Variants in FHIP1A observed in about 807,000 individuals in gnomAD.
FHIP1A encodes FHF complex subunit HOOK-interacting protein 1A.
In FHIP1A, 61 loss-of-function variants were observed where a neutral mutation model predicts 88.6. The ratio of observed to expected loss-of-function variants is 0.69; its 90% CI spans 0.56 to 0.85. The LOEUF is 0.85. Among genes scored for constraint, FHIP1A ranks in the 40% least tolerant of loss-of-function variants. The probability of loss-of-function intolerance (pLI) is 0.00; values close to 1 mark genes in which losing one functional copy is unlikely to be tolerated. For synonymous variants in FHIP1A, 478 were observed against 496.0 expected (o/e 0.96, Z 0.48); for missense variants, 1,154 against 1,273.5 (o/e 0.91, Z 1.43).
chr4:151,442,979 GT>G (rs1728464058), intron 1 of FHIP1A, among the ~76,000 whole-genome samples: 1 of 152,058 alleles, frequency 6.6e-6, no homozygotes, highest in Non-Finnish European at 1.5e-5. Context: ...AGTTGACTGG[GT>G]GTGGGGTGCA....
intron 5 of FHIP1A, among the ~76,000 whole-genome samples, chr4:151,582,628 T>C (rs1441247483): frequency 6.6e-6 from 1 of 152,186 alleles, no homozygotes; most frequent in East Asian, 1.9e-4. Flanking sequence ...GTTATCCTTG[T>C]GGTTTTACAT....
chr4:151,588,108 A>G (rs886222384), intron 6 of FHIP1A, among the ~76,000 whole-genome samples: 1 of 152,070 alleles, frequency 6.6e-6, no homozygotes, highest in Non-Finnish European at 1.5e-5. Context: ...ATTATTTCAT[A>G]CTGCATTTTG....
intron 3 of FHIP1A, among the ~76,000 whole-genome samples, chr4:151,509,650 A>G (rs1339174116): frequency 6.6e-6 from 1 of 152,158 alleles, no homozygotes; most frequent in Non-Finnish European, 1.5e-5. Flanking sequence ...ATGGTGACCA[A>G]TAGAAGGCTA....
intron 3 of FHIP1A, among the ~76,000 whole-genome samples, 170 bp downstream of exon 3, chr4:151,482,818 T>C (rs1729947973): frequency 6.6e-6 from 1 of 152,134 alleles, no homozygotes; most frequent in African/African-American, 2.4e-5. Context: ...ATGTGAAGCA[T>C]TTAAAAAATC....
chr4:151,583,176 A>G (rs756541308), intron 5 of FHIP1A, among the ~76,000 whole-genome samples: 26 of 152,228 alleles, frequency 1.7e-4, no homozygotes, highest in Non-Finnish European at 3.4e-4. Flanking sequence ...CTCTGAGCGC[A>G]GTCTAGGAAG....
At chr4:151,446,439 A>G (rs1728602316) in intron 1 of FHIP1A, among the ~76,000 whole-genome samples, 1 of 145,192 alleles carries the variant, frequency 6.9e-6, no homozygotes, top group African/African-American at 2.5e-5. Context: ...ATGTCATGGG[A>G]TTTCTTTCTT....
chr4:151,597,974 G>A (rs1734714443), intron 7 of FHIP1A, among the ~76,000 whole-genome samples: 1 of 152,140 alleles, frequency 6.6e-6, no homozygotes, highest in Non-Finnish European at 1.5e-5. Flanking sequence ...CCTCCATGGG[G>A]GTGGGATCTG....
intron 4 of FHIP1A, among the ~76,000 whole-genome samples, chr4:151,573,829 G>T (rs1733686298): frequency 1.3e-5 from 2 of 152,130 alleles, no homozygotes; most frequent in African/African-American, 4.8e-5. Flanking sequence ...GATATGAAAA[G>T]AGGGCACAAA....
chr4:151,543,211 G>A (rs1732362831), intron 3 of FHIP1A, among the ~76,000 whole-genome samples: 2 of 152,142 alleles, frequency 1.3e-5, no homozygotes. Context: ...GATGTGGCAG[G>A]GCTAAGATTT....
At chr4:151,529,293 T>A (rs1246317111) in intron 3 of FHIP1A, among the ~76,000 whole-genome samples, 1 of 152,070 alleles carries the variant, frequency 6.6e-6, no homozygotes, top group Non-Finnish European at 1.5e-5. Context: ...GAGGCTGGAA[T>A]CAAAAGGCTG....
At chr4:151,520,198 T>C (rs192692767) in intron 3 of FHIP1A, among the ~76,000 whole-genome samples, 412 of 152,332 alleles carry the variant, frequency 2.7e-3, no homozygotes, top group Non-Finnish European at 4.2e-3. Flanking sequence ...TTTTAGCTTT[T>C]ATGTTATCTA....
At chr4:151,513,298 G>T (rs191601345) in intron 3 of FHIP1A, among the ~76,000 whole-genome samples, 51 of 152,286 alleles carry the variant, frequency 3.3e-4, no homozygotes, top group African/African-American at 1.2e-3. Flanking sequence ...AGCTCCTGAA[G>T]GAAGCACTAA....
rs145748006 is a variant in FHIP1A at position 151,656,730 on chromosome 4, C to T, written c.2731-30C>T. The T allele has an allele frequency of 5.5e-5, 84 of 1,538,912 alleles. No homozygotes were observed. In the Middle Eastern group the frequency reaches 6.7e-4, roughly 12 times the overall value. On this transcript the variant is annotated intron_variant, in intron 12 of 13. Coordinates refer to ENST00000435205, the MANE Select transcript of FHIP1A (RefSeq NM_001109977.3). The surrounding 1 kb of genome is among the most constrained non-coding windows in gnomAD (Gnocchi z 4.2). Reference sequence around the variant, plus strand: ...CTGGGAGTGGAATTTCATGGTGAGGCATTAACATCAGTAATGCTGTTTTTG... The same window carrying T: ...CTGGGAGTGGAATTTCATGGTGAGGTATTAACATCAGTAATGCTGTTTTTG...
At chr4:151,531,323 T>C (rs1312719162) in intron 3 of FHIP1A, among the ~76,000 whole-genome samples, 1 of 151,980 alleles carries the variant, frequency 6.6e-6, no homozygotes, top group Non-Finnish European at 1.5e-5. Context: ...CACACTTTCA[T>C]TGGATCAGGT....
chr4:151,606,426 G>A (rs1445216426), intron 7 of FHIP1A, among the ~76,000 whole-genome samples: 1 of 152,224 alleles, frequency 6.6e-6, no homozygotes, highest in African/African-American at 2.4e-5. Flanking sequence ...AGCATGGAAT[G>A]TAAGATGCCA....
intron 8 of FHIP1A, among the ~76,000 whole-genome samples, chr4:151,632,975 A>G (rs970207461): frequency 2.0e-5 from 3 of 151,970 alleles, no homozygotes; most frequent in Non-Finnish European, 4.4e-5. Flanking sequence ...GATAAAGATC[A>G]GAGCAAAAAT....
At chr4:151,414,161 T>C (rs907625591) in intron 1 of FHIP1A, among the ~76,000 whole-genome samples, 10 of 151,924 alleles carry the variant, frequency 6.6e-5, no homozygotes, top group African/African-American at 2.4e-4. Context: ...AGTGATTCTC[T>C]TGCCTTAGCC....
chr4:151,522,199 C>T (rs1731471424), intron 3 of FHIP1A, among the ~76,000 whole-genome samples: 1 of 152,160 alleles, frequency 6.6e-6, no homozygotes, highest in Admixed American at 6.5e-5. Flanking sequence ...TTTGCCCTTC[C>T]TTCTAGCCCC....
intron 1 of FHIP1A, among the ~76,000 whole-genome samples, chr4:151,426,499 T>C (rs1176371185): frequency 6.6e-6 from 1 of 152,204 alleles, no homozygotes; most frequent in African/African-American, 2.4e-5. Flanking sequence ...GTTCAGAAAT[T>C]ATAAAATGAC....
Sources: gnomAD v4.1 joint callset for allele counts (sites outside exome capture counted in the v4.1 genomes callset) on GRCh38, gnomAD v4.1.1 for gene constraint, Gnocchi (gnomAD v3.1) non-coding constraint, MANE v1.5 for transcripts, NCBI Gene and HGNC (gene_info 2026-07-23, HGNC 2026-07-21) for gene names.